The following SOX6 variants were observed in gnomAD, a reference collection of about 807,000 sequenced individuals.
The protein encoded by SOX6 is SRY-box transcription factor 6, also known as transcription factor SOX-6.
A neutral mutation model predicts 97.8 loss-of-function variants in SOX6; 11 were observed. That is an observed-to-expected ratio of 0.11 (90% CI 0.07 to 0.19). The LOEUF is 0.19. SOX6 is among the 10% of genes least tolerant of loss of function. The pLI, the probability that SOX6 is intolerant of heterozygous loss-of-function variation, is 1.00. For synonymous variants in SOX6, 360 were observed against 371.4 expected, an observed-to-expected ratio of 0.97 and a Z score of 0.35; for missense variants, 810 against 1,039.5, an observed-to-expected ratio of 0.78 and a Z score of 3.04.
intron 4 of SOX6, among the ~76,000 whole-genome samples, chr11:16,502,847 C>T (rs1860729053): frequency 6.6e-6 from 1 of 152,114 alleles, no homozygotes; most frequent in African/African-American, 2.4e-5. Context: ...GAGAATTAGA[C>T]ATCCAGATAT....
chr11:16,105,816 G>A (rs1039471371), intron 7 of SOX6, among the ~76,000 whole-genome samples: 8 of 152,064 alleles, frequency 5.3e-5, no homozygotes, highest in African/African-American at 1.9e-4. Context: ...ATCCCAAAGA[G>A]TCCCTGAGAA....
chr11:16,224,212 G>A (rs1852621100), intron 4 of SOX6, among the ~76,000 whole-genome samples: 1 of 151,912 alleles, frequency 6.6e-6, no homozygotes, highest in Admixed American at 6.6e-5. Context: ...CAAACAATAA[G>A]TTTCAGATTC....
chr11:16,275,770 T>C (rs1056330573), intron 3 of SOX6, among the ~76,000 whole-genome samples: 1 of 152,198 alleles, frequency 6.6e-6, no homozygotes, highest in African/African-American at 2.4e-5. Context: ...AAAACTTATC[T>C]AGCTTTTTGT....
At chr11:16,579,137 T>A (rs1351115072) in intron 4 of SOX6, among the ~76,000 whole-genome samples, 1 of 152,114 alleles carries the variant, frequency 6.6e-6, no homozygotes, top group Non-Finnish European at 1.5e-5. Flanking sequence ...TTTCACTCAG[T>A]AAATGCATAT....
At position 16,719,745 on chromosome 11, in the gene SOX6, G is replaced by A. The variant is rs145597082; in HGVS notation, n.354-4840C>T. Among the ~76,000 whole-genome samples the A allele has an allele frequency of 2.2e-3, 338 of 152,138 alleles. 2 individuals are homozygous for A. The highest frequency in any genetic ancestry group is 8.0e-3 in the African/African-American group (334 of 41,494). On this transcript the variant is annotated intron_variant and non_coding_transcript_variant, in intron 2 of 5. Coordinates refer to the SOX6 transcript ENST00000524520. ...TCGAGGCTAGCCTGGGCAACATAGT[G>A]AGACCTCACCTCTACAAAAAATAAA...
intron 3 of SOX6, among the ~76,000 whole-genome samples, chr11:16,273,545 A>C (rs941674180): frequency 6.6e-6 from 1 of 151,972 alleles, no homozygotes; most frequent in African/African-American, 2.4e-5. Context: ...ATGTCACCTC[A>C]GCTGAGTTCT....
chr11:15,974,378 C>CTTTTTTTTTTTTTTTTTTTTT (rs35597667), intron 15 of SOX6, among the ~76,000 whole-genome samples: 3 of 85,658 alleles, frequency 3.5e-5, no homozygotes, highest in Non-Finnish European at 6.1e-5. Context: ...TTAGCTCTCT[C>CTTTTTTTTTTTTTTTTTTTTT]TTTTTTTTTT....
At chr11:16,309,756 T>C (rs1855543478) in intron 3 of SOX6, among the ~76,000 whole-genome samples, 1 of 152,120 alleles carries the variant, frequency 6.6e-6, no homozygotes, top group Non-Finnish European at 1.5e-5. Context: ...ATATATATTG[T>C]ACAAGGAGAA....
chr11:16,358,596 T>G (rs933616764), upstream of SOX6, among the ~76,000 whole-genome samples: 4 of 152,040 alleles, frequency 2.6e-5, no homozygotes, highest in African/African-American at 9.7e-5. Context: ...TAAGAAGTGT[T>G]TGGAGAAATT....
At chr11:16,542,616 T>A (rs1005626072) in intron 4 of SOX6, among the ~76,000 whole-genome samples, 1 of 152,110 alleles carries the variant, frequency 6.6e-6, no homozygotes, top group East Asian at 1.9e-4. Flanking sequence ...GGTAAAAAAA[T>A]TTGAGAACTG....
intron 4 of SOX6, among the ~76,000 whole-genome samples, chr11:16,215,553 C>T (rs1467795211): frequency 1.3e-5 from 2 of 152,088 alleles, no homozygotes; most frequent in East Asian, 1.9e-4. Context: ...ATCTAGGCAC[C>T]CTGTCAACTG....
At chr11:16,330,009 T>C (rs1856236415) in intron 2 of SOX6, among the ~76,000 whole-genome samples, 1 of 152,206 alleles carries the variant, frequency 6.6e-6, no homozygotes, top group African/African-American at 2.4e-5. Flanking sequence ...TTCCTTCATT[T>C]CTTCTTCATA....
chr11:16,284,271 T>C (rs937067631), intron 3 of SOX6, among the ~76,000 whole-genome samples: 4 of 152,140 alleles, frequency 2.6e-5, no homozygotes. Flanking sequence ...CATAATTTAG[T>C]TTGTATTGCT....
intron 3 of SOX6, among the ~76,000 whole-genome samples, chr11:16,298,611 G>C (rs1855165207): frequency 6.6e-6 from 1 of 152,060 alleles, no homozygotes; most frequent in Non-Finnish European, 1.5e-5. Context: ...GAAGCCAAAA[G>C]ATATAATTGA....
intron 3 of SOX6, chr11:16,264,428 T>C (rs1363270811): frequency 6.6e-6 from 1 of 151,986 alleles, no homozygotes; most frequent in African/African-American, 2.4e-5. Flanking sequence ...ATCTTTTTTA[T>C]AGCTACATAT....
At chr11:16,125,958 A>G (rs561063890) in intron 6 of SOX6, among the ~76,000 whole-genome samples, 7 of 152,218 alleles carry the variant, frequency 4.6e-5, no homozygotes, top group African/African-American at 1.7e-4. Context: ...TAATAACTGT[A>G]TTTTTCCTAT....
chr11:16,192,613 A>AT (rs532942832), intron 4 of SOX6, among the ~76,000 whole-genome samples: 26 of 149,384 alleles, frequency 1.7e-4, no homozygotes, highest in Non-Finnish European at 3.1e-4. Context: ...GAAATGTACT[A>AT]TTTTTTTTTT....
chr11:16,072,301 A>G (rs1252388555), intron 9 of SOX6, among the ~76,000 whole-genome samples: 2 of 152,204 alleles, frequency 1.3e-5, no homozygotes, highest in African/African-American at 4.8e-5. Flanking sequence ...TCATAATACA[A>G]TTGCAAGTAT....
Position 15,972,269 on chromosome 11 carries a change from A to G in SOX6, c.*540T>C, listed in dbSNP as rs1311872137. ...TTTGGCACATTCAAAGTTTAACTCT[A>G]CAAATGGAAAATTGGAATTCCGAGG... On this transcript the variant is annotated 3_prime_UTR_variant, in exon 16 of 16. Transcript: ENST00000683767. The G allele has an allele frequency of 6.5e-6, 1 of 153,374 alleles. No individual in the cohort carries two copies. The highest frequency in any genetic ancestry group is 1.9e-4 in the East Asian group (1 of 5,216). 9.5% of individuals were successfully genotyped at this position (153,374 alleles called of 1,614,324 possible).
Sources: allele counts gnomAD v4.1 joint callset (sites outside exome capture counted in the v4.1 genomes callset), GRCh38; gene constraint gnomAD v4.1.1; transcripts MANE v1.5; gene names NCBI Gene and HGNC (gene_info 2026-07-23, HGNC 2026-07-21).